Variants in CNTNAP5 observed in about 807,000 individuals in gnomAD.
CNTNAP5 encodes the protein contactin associated protein family member 5, also known as contactin-associated protein-like 5.
In CNTNAP5, 72 loss-of-function variants were observed where a neutral mutation model predicts 150.2. The observed-to-expected ratio is 0.48, with a 90% CI of 0.40 to 0.58. The LOEUF is 0.58. Ranked by LOEUF, CNTNAP5 falls within the 20% of genes least tolerant of loss-of-function variation. The pLI, the probability that CNTNAP5 is intolerant of heterozygous loss-of-function variation, is 0.00. For synonymous variants in CNTNAP5, 672 were observed against 619.8 expected (o/e 1.08, Z -1.25); for missense variants, 1,636 against 1,626.2 (o/e 1.01, Z -0.10).
chr2:124,053,489 G>A (rs1002804190), intron 1 of CNTNAP5, among the ~76,000 whole-genome samples: 1 of 152,170 alleles, frequency 6.6e-6, no homozygotes, highest in Non-Finnish European at 1.5e-5. Context: ...GCCCCATCTG[G>A]GGGCAGAATA....
In CNTNAP5 at chr2:124,563,290, GAC is replaced by G. The variant is rs1340199508; in HGVS notation, c.1727_1728del (p.Thr576LysfsTer50). 6.4e-7 allele frequency: 1 copy of G among 1,573,576 alleles called. No individual in the cohort carries two copies. The highest frequency in any genetic ancestry group is 8.6e-7 in the Non-Finnish European group (1 of 1,158,406). The stretch of plus-strand genomic sequence containing the variant: ...GACTACCTTCTATTGTAACTGCAGT[GAC>G]ACAAGTTACACTGGTGCCACCTGCC... ...SWTTFYCNCS[D>X]TSYTGATCHN... is the part of the protein sequence containing the mutation. On this transcript the variant is annotated frameshift_variant, in exon 11 of 24. Coordinates refer to ENST00000682447, the MANE Select transcript of CNTNAP5 (RefSeq NM_001367498.1). LOFTEE classifies it high-confidence loss of function.
intron 1 of CNTNAP5, among the ~76,000 whole-genome samples, chr2:124,214,296 G>A (rs57057169): frequency 0.023 from 3,492 of 152,126 alleles, 135 homozygotes; most frequent in African/African-American, 0.078. Flanking sequence ...TCCTAAAATC[G>A]TACATAGAAT....
At chr2:124,648,074 C>A in intron 13 of CNTNAP5, 116 bp downstream of exon 13, 2 of 878,122 alleles carry the variant, frequency 2.3e-6, no homozygotes, top group Non-Finnish European at 3.5e-6. Context: ...TCACTGTGCA[C>A]TCGAGAGAAA....
At chr2:124,784,160 G>T (rs558469746) in intron 17 of CNTNAP5, among the ~76,000 whole-genome samples, 1 of 152,276 alleles carries the variant, frequency 6.6e-6, no homozygotes, top group East Asian at 1.9e-4. Flanking sequence ...AAGGCAGGAA[G>T]AAAGGTGGGA....
chr2:124,240,411 T>C (rs1686855840), intron 2 of CNTNAP5, among the ~76,000 whole-genome samples: 1 of 152,150 alleles, frequency 6.6e-6, no homozygotes, highest in Non-Finnish European at 1.5e-5. Flanking sequence ...CCCACTCACA[T>C]TCTTATTGGA....
intron 3 of CNTNAP5, among the ~76,000 whole-genome samples, chr2:124,367,122 G>A (rs1573946227): frequency 6.6e-6 from 1 of 152,308 alleles, no homozygotes; most frequent in Non-Finnish European, 1.5e-5. Flanking sequence ...AGTTAATGCT[G>A]AAGGATAATT....
rs559810653 is a variant in CNTNAP5, at chr2:124,303,837, G to A, written c.381+61444G>A. ...GCTTGAGGCCAGGAGTTCAAGACCA[G>A]CCTAAGCAACATAGAAAGACCCTGT... On this transcript the variant is annotated intron_variant, in intron 3 of 23. Coordinates refer to ENST00000682447, the MANE Select transcript of CNTNAP5 (RefSeq NM_001367498.1). 3.3e-5 allele frequency among the ~76,000 whole-genome samples: 5 copies of A among 152,214 alleles called. No homozygotes were observed. The East Asian group carries it at 9.7e-4, about 29-fold the overall frequency.
intron 12 of CNTNAP5, among the ~76,000 whole-genome samples, chr2:124,628,375 A>G (rs1194762310): frequency 6.6e-6 from 1 of 152,192 alleles, no homozygotes; most frequent in Non-Finnish European, 1.5e-5. Context: ...TCTCAGTAGA[A>G]ACTGTACAAA....
intron 3 of CNTNAP5, among the ~76,000 whole-genome samples, chr2:124,330,457 T>A (rs565844255): frequency 6.6e-6 from 1 of 152,290 alleles, no homozygotes; most frequent in African/African-American, 2.4e-5. Context: ...TGGTGGGAAG[T>A]AATGGAGTCA....
chr2:124,085,123 T>C (rs1346507769), intron 1 of CNTNAP5, among the ~76,000 whole-genome samples: 3 of 151,082 alleles, frequency 2.0e-5, no homozygotes, highest in Non-Finnish European at 4.4e-5. Context: ...GGTTTCACCA[T>C]GTTGGTCAGG....
chr2:124,700,980 A>G (rs541600685), intron 13 of CNTNAP5, among the ~76,000 whole-genome samples: 1 of 152,190 alleles, frequency 6.6e-6, no homozygotes, highest in South Asian at 2.1e-4. Flanking sequence ...CATCTCACAT[A>G]GTTACGCATT....
At chr2:124,484,619 T>G (rs577428689) in intron 7 of CNTNAP5, among the ~76,000 whole-genome samples, 1 of 152,302 alleles carries the variant, frequency 6.6e-6, no homozygotes, top group Admixed American at 6.5e-5. Flanking sequence ...ATAGCCTCAC[T>G]CTGCTCACCA....
At chr2:124,542,941 A>G (rs551228529) in intron 10 of CNTNAP5, among the ~76,000 whole-genome samples, 5 of 152,316 alleles carry the variant, frequency 3.3e-5, no homozygotes, top group African/African-American at 1.2e-4. Context: ...CAAGATATGG[A>G]ATGAACTTGA....
intron 3 of CNTNAP5, among the ~76,000 whole-genome samples, chr2:124,314,273 C>T (rs757037451): frequency 2.4e-4 from 36 of 152,200 alleles, no homozygotes; most frequent in Non-Finnish European, 4.3e-4. Context: ...GTTTCACAAC[C>T]TGCAGTTTCC....
chr2:124,790,212 A>T, intron 18 of CNTNAP5, 71 bp downstream of exon 18: 2 of 1,450,884 alleles, frequency 1.4e-6, no homozygotes, highest in South Asian at 2.8e-5. Context: ...AGGCCATGTG[A>T]TACTCACACT....
At chr2:124,089,012 G>A (rs1298184699) in intron 1 of CNTNAP5, among the ~76,000 whole-genome samples, 2 of 152,048 alleles carry the variant, frequency 1.3e-5, no homozygotes, top group East Asian at 1.9e-4. Flanking sequence ...GGCTTGTTTT[G>A]GGGCACTTTT....
intron 3 of CNTNAP5, among the ~76,000 whole-genome samples, chr2:124,332,049 T>C (rs1324075972): frequency 6.6e-6 from 1 of 151,798 alleles, no homozygotes; most frequent in African/African-American, 2.4e-5. Flanking sequence ...CTTTATAAAA[T>C]TTTTATAACT....
At chr2:124,862,537 A>G (rs1432337576) in intron 19 of CNTNAP5, among the ~76,000 whole-genome samples, 1 of 152,204 alleles carries the variant, frequency 6.6e-6, no homozygotes, top group Non-Finnish European at 1.5e-5. Context: ...GCCTGAGGAT[A>G]GCGGGAATAA....
chr2:124,089,733 T>G (rs1682772652), intron 1 of CNTNAP5, among the ~76,000 whole-genome samples: 2 of 152,242 alleles, frequency 1.3e-5, no homozygotes, highest in African/African-American at 2.4e-5. Flanking sequence ...AAAAGGACTA[T>G]GAGTTCACTT....
Sources: allele counts gnomAD v4.1 joint callset (sites outside exome capture counted in the v4.1 genomes callset), GRCh38; gene constraint gnomAD v4.1.1; transcripts MANE v1.5; gene names NCBI Gene and HGNC (gene_info 2026-07-23, HGNC 2026-07-21).